Variants in LSP1 observed in about 807,000 individuals in gnomAD.
LSP1 encodes lymphocyte-specific protein 1.
Under a neutral mutation model 49.3 loss-of-function variants are expected in LSP1, and 32 were observed. That is an observed-to-expected ratio of 0.65 (90% confidence interval 0.49 to 0.87). The LOEUF is 0.87. Ranked by LOEUF, LSP1 falls within the 40% of genes least tolerant of loss-of-function variation. The probability of loss-of-function intolerance (pLI) is 0.00; values close to 1 mark genes in which losing one functional copy is unlikely to be tolerated. For missense variants in LSP1, 428 were observed against 442.6 expected (o/e 0.97, Z 0.30); for synonymous variants, 179 against 178.8 (o/e 1.00, Z -0.01).
intron 1 of LSP1, among the ~76,000 whole-genome samples, chr11:1,857,395 A>T (rs1316678629): frequency 1.3e-5 from 2 of 152,180 alleles, no homozygotes. Context: ...CCTACGGGCC[A>T]GCCTGTCTCC....
chr11:1,855,495 G>A (rs1847465803), intron 1 of LSP1, among the ~76,000 whole-genome samples: 1 of 152,202 alleles, frequency 6.6e-6, no homozygotes, highest in Admixed American at 6.5e-5. Flanking sequence ...GTCGCATGAT[G>A]TGGCCCCTCC....
intron 1 of LSP1, among the ~76,000 whole-genome samples, chr11:1,872,056 C>A (rs1848041863): frequency 7.5e-6 from 1 of 134,046 alleles, no homozygotes; most frequent in Non-Finnish European, 1.6e-5. Context: ...CTATAGTCAC[C>A]CTGGTGCACG....
chr11:1,856,547 C>T (rs1357313427), intron 1 of LSP1, among the ~76,000 whole-genome samples: 2 of 152,248 alleles, frequency 1.3e-5, no homozygotes, highest in African/African-American at 4.8e-5. Context: ...TCGGAGCCTC[C>T]CTCGCTTCTC....
At chr11:1,856,129 C>T (rs750635357) in intron 1 of LSP1, among the ~76,000 whole-genome samples, 11 of 152,216 alleles carry the variant, frequency 7.2e-5, no homozygotes, top group East Asian at 1.9e-4. Flanking sequence ...GTCTGCCTGC[C>T]GCCACCCTGT....
chr11:1,861,483 A>T (rs748056005), intron 1 of LSP1, among the ~76,000 whole-genome samples: 3 of 152,278 alleles, frequency 2.0e-5, no homozygotes, highest in Non-Finnish European at 4.4e-5. Context: ...TGGATGAATG[A>T]ATGGATGGAT....
In LSP1 at chr11:1,884,877, C is replaced by G. The variant is rs1848692884; in HGVS notation, c.717+296C>G. Among the ~76,000 whole-genome samples the G allele has an allele frequency of 6.6e-6, 1 of 151,974 alleles. No homozygotes were observed. The highest frequency in any genetic ancestry group is 1.5e-5 in the Non-Finnish European group (1 of 68,000). On this transcript the variant is annotated intron_variant, in intron 7 of 10. Coordinates refer to ENST00000311604, the MANE Select transcript of LSP1 (RefSeq NM_002339.3). The surrounding 1 kb of genome is among the most constrained non-coding windows in gnomAD (Gnocchi z 4.1). ...TTAATGTTCCTTTATACAACCAATA[C>G]TCCTGCAACCAATACTCCTCCAATT...
intron 7 of LSP1, among the ~76,000 whole-genome samples, chr11:1,885,269 T>C (rs1306917186): frequency 2.0e-5 from 3 of 151,872 alleles, no homozygotes; most frequent in Non-Finnish European, 2.9e-5. Flanking sequence ...CCAATGCCAG[T>C]CCCACATGCC....
At chr11:1,885,901 A>G (rs962731332) in intron 7 of LSP1, among the ~76,000 whole-genome samples, 1 of 151,890 alleles carries the variant, frequency 6.6e-6, no homozygotes, top group Admixed American at 6.6e-5. Flanking sequence ...TCAACCAACC[A>G]ATACTCCTCC....
At position 1,884,619 on chromosome 11, in the gene LSP1, G is replaced by A; in HGVS notation, c.717+38G>A. On this transcript the variant is annotated intron_variant, in intron 7 of 10. Transcript: ENST00000311604. This position sits in a 1 kb window ranked among gnomAD's most constrained non-coding sequence, Gnocchi z 4.1. ...TCCCCTCTGCTGTCAGGTCCCTCCT[G>A]CATCCTGGCACCATTCCTTCATCCA... is the stretch of plus-strand genomic sequence containing the variant. 6.4e-7 allele frequency: 1 copy of A among 1,557,170 alleles called. No homozygotes were observed. Among genetic ancestry groups the A allele is most frequent in the Non-Finnish European group, 8.9e-7 (1 of 1,129,502 alleles).
chr11:1,874,036 C>CGG (rs1565079553), intron 1 of LSP1, among the ~76,000 whole-genome samples: 55 of 118,534 alleles, frequency 4.6e-4, no homozygotes, highest in Non-Finnish European at 7.7e-4. Flanking sequence ...GGGAGGCCGG[C>CGG]AGAGGAGGGA....
chr11:1,888,939 T>C, intron 10 of LSP1: 1 of 485,512 alleles, frequency 2.1e-6, no homozygotes, highest in Non-Finnish European at 3.6e-6. Flanking sequence ...CTCCAGCTCG[T>C]CCTCTCTGCC....
At chr11:1,880,058 C>T (rs1164878699) in intron 1 of LSP1, 29 bp from the exon 2 acceptor site, 29 of 1,604,674 alleles carry the variant, frequency 1.8e-5, no homozygotes, top group Non-Finnish European at 2.3e-5. Flanking sequence ...TCGGCTGTGG[C>T]GTGACTGTCC....
At chr11:1,890,008 T>C in intron 10 of LSP1, 4 of 666,780 alleles carry the variant, frequency 6.0e-6, no homozygotes, top group Non-Finnish European at 1.1e-5. Flanking sequence ...GGCTCAGGGG[T>C]CCCATTGTGT....
At chr11:1,861,854 G>A (rs1244722604) in intron 1 of LSP1, among the ~76,000 whole-genome samples, 3 of 151,476 alleles carry the variant, frequency 2.0e-5, no homozygotes, top group Non-Finnish European at 4.4e-5. Flanking sequence ...TTGATGAGTG[G>A]ATGGATGGAT....
chr11:1,879,132 G>A (rs908552091), intron 1 of LSP1, among the ~76,000 whole-genome samples: 1 of 152,128 alleles, frequency 6.6e-6, no homozygotes, highest in Non-Finnish European at 1.5e-5. Flanking sequence ...ATCACCTGAG[G>A]TCGGGAGTTC....
chr11:1,873,745 T>G (rs1054090606), intron 1 of LSP1, among the ~76,000 whole-genome samples: 5 of 151,722 alleles, frequency 3.3e-5, no homozygotes, highest in African/African-American at 1.2e-4. Context: ...GAACCAAGTC[T>G]GGGCTAGTCT....
chr11:1,890,508 G>T, intron 10 of LSP1: 1 of 716,812 alleles, frequency 1.4e-6, no homozygotes. Flanking sequence ...GGGCAGCAGG[G>T]GCGGTGGGGG....
At chr11:1,868,737 G>A (rs1847876313) in intron 1 of LSP1, 1 of 985,736 alleles carries the variant, frequency 1.0e-6, no homozygotes. Flanking sequence ...CCAGCAGCAG[G>A]GGTGCAGGGA....
intron 1 of LSP1, among the ~76,000 whole-genome samples, chr11:1,873,500 T>TGAAG (rs143957137): frequency 1.7e-4 from 16 of 94,790 alleles, no homozygotes; most frequent in Non-Finnish European, 2.3e-4. Flanking sequence ...TAAGGAAAGA[T>TGAAG]GGAGGGAGGG....
Sources: gnomAD v4.1 joint callset for allele counts (sites outside exome capture counted in the v4.1 genomes callset) on GRCh38, gnomAD v4.1.1 for gene constraint, Gnocchi (gnomAD v3.1) non-coding constraint, MANE v1.5 for transcripts, NCBI Gene and HGNC (gene_info 2026-07-23, HGNC 2026-07-21) for gene names.